Variants in POU6F2 observed in about 807,000 individuals in gnomAD.
The protein encoded by POU6F2 is POU class 6 homeobox 2.
POU6F2 carries 31 observed loss-of-function variants against 71.3 expected under a neutral mutation model. The observed-to-expected ratio is 0.43, with a 90% confidence interval of 0.33 to 0.59. The LOEUF is 0.59. Among genes scored for constraint, POU6F2 ranks in the 20% least tolerant of loss-of-function variants. POU6F2 has a pLI of 0.04. For synonymous variants in POU6F2, 347 were observed against 355.7 expected, an observed-to-expected ratio of 0.98 and a Z score of 0.27; for missense variants, 783 against 856.8, an observed-to-expected ratio of 0.91 and a Z score of 1.07.
chr7:39,343,571 C>T (rs1233440902), intron 5 of POU6F2, among the ~76,000 whole-genome samples: 2 of 152,022 alleles, frequency 1.3e-5, no homozygotes, highest in Non-Finnish European at 2.9e-5. Context: ...AAATTTCAGA[C>T]ATCTTATAAA....
chr7:39,169,226 T>A (rs1463156853), intron 2 of POU6F2, among the ~76,000 whole-genome samples: 1 of 152,206 alleles, frequency 6.6e-6, no homozygotes, highest in Non-Finnish European at 1.5e-5. Context: ...CACCTTTATT[T>A]TAATGCCTGC....
chr7:39,049,946 A>G (rs1242905091), intron 1 of POU6F2, among the ~76,000 whole-genome samples: 1 of 151,968 alleles, frequency 6.6e-6, no homozygotes, highest in Non-Finnish European at 1.5e-5. Flanking sequence ...CTTCTTTAAT[A>G]TGAGTAACAC....
rs760233765 is a variant in POU6F2, at chr7:39,339,920, T to G, written c.877T>G (p.Ser293Ala). 20 of 1,613,176 alleles carry G rather than the reference T, an allele frequency of 1.2e-5. No individual in the cohort carries two copies. The South Asian group carries it at 1.6e-4, about 13-fold the overall frequency. The change falls in exon 5 of 10, where the codon TCT becomes GCT. Residue 293 changes from serine to alanine, a missense_variant. Transcript: ENST00000518318. ...CCACTCCCAGAACCAGAACCAACCATCTCCAACCCAGCAGAGCTCCAGCCC... is the reference window on the plus strand; with the variant it reads ...CCACTCCCAGAACCAGAACCAACCAGCTCCAACCCAGCAGAGCTCCAGCCC... ...HSHSQNQNQP[S>A]PTQQSSSPPQ... is the part of the protein sequence containing the mutation.
chr7:39,413,397 AAT>A (rs1787596439), intron 6 of POU6F2, among the ~76,000 whole-genome samples: 1 of 152,168 alleles, frequency 6.6e-6, no homozygotes. Flanking sequence ...AAGGCAAAAG[AAT>A]ATATTGTTTC....
intron 5 of POU6F2, among the ~76,000 whole-genome samples, chr7:39,349,680 G>A (rs1303533510): frequency 6.6e-6 from 1 of 152,142 alleles, no homozygotes; most frequent in Non-Finnish European, 1.5e-5. Context: ...CCATGTCTGT[G>A]GGGCATTGTC....
At chr7:39,122,138 C>A (rs1792055894) in intron 2 of POU6F2, among the ~76,000 whole-genome samples, 1 of 152,166 alleles carries the variant, frequency 6.6e-6, no homozygotes, top group African/African-American at 2.4e-5. Flanking sequence ...GCAAATAAGC[C>A]ATTTTATGAA....
chr7:39,238,309 G>A (rs188420361), intron 4 of POU6F2, among the ~76,000 whole-genome samples: 1 of 152,222 alleles, frequency 6.6e-6, no homozygotes, highest in African/African-American at 2.4e-5. Context: ...CATGGTAGTT[G>A]CTTCGCCAGT....
At chr7:39,182,440 A>T (rs1793452644) in intron 2 of POU6F2, among the ~76,000 whole-genome samples, 1 of 152,114 alleles carries the variant, frequency 6.6e-6, no homozygotes, top group South Asian at 2.1e-4. Flanking sequence ...CTCAATTCTC[A>T]TTATTCCAAT....
chr7:39,324,121 G>A (rs927010078), intron 4 of POU6F2, among the ~76,000 whole-genome samples: 72 of 127,572 alleles, frequency 5.6e-4, no homozygotes, highest in Middle Eastern at 3.9e-3. Context: ...AAAAAAAAAA[G>A]AAAAAAAAAA....
intron 2 of POU6F2, among the ~76,000 whole-genome samples, chr7:39,193,387 A>C (rs1288182432): frequency 1.3e-5 from 2 of 152,166 alleles, no homozygotes; most frequent in Non-Finnish European, 2.9e-5. Context: ...GCCAGGTTCC[A>C]TTAGATGCAG....
intron 1 of POU6F2, among the ~76,000 whole-genome samples, chr7:39,081,522 A>T (rs1315652997): frequency 6.6e-6 from 1 of 152,200 alleles, no homozygotes; most frequent in Non-Finnish European, 1.5e-5. Flanking sequence ...TTGTTTTATT[A>T]TAGCCTTTTC....
chr7:39,171,924 ATTTTTGTGAATTGCT>A (rs1245741982), intron 2 of POU6F2, among the ~76,000 whole-genome samples: 1 of 152,230 alleles, frequency 6.6e-6, no homozygotes, highest in Non-Finnish European at 1.5e-5. Flanking sequence ...CCATCAGGCA[ATTTTTGTGAATTGCT>A]TTTTTGTTTA....
chr7:39,244,006 A>G (rs993479893), intron 4 of POU6F2, among the ~76,000 whole-genome samples: 1 of 152,198 alleles, frequency 6.6e-6, no homozygotes, highest in African/African-American at 2.4e-5. Flanking sequence ...CATATTTGAT[A>G]ACTTTCCATT....
intron 4 of POU6F2, among the ~76,000 whole-genome samples, chr7:39,275,897 T>C (rs1056366029): frequency 1.2e-4 from 18 of 151,554 alleles, no homozygotes; most frequent in African/African-American, 1.7e-4. Context: ...ATACAAAAAT[T>C]AATTCAAGAT....
At chr7:39,128,861 T>C (rs1178860261) in intron 2 of POU6F2, among the ~76,000 whole-genome samples, 1 of 152,222 alleles carries the variant, frequency 6.6e-6, no homozygotes, top group African/African-American at 2.4e-5. Context: ...AAAGTACATT[T>C]ACCTCTGAAA....
At chr7:39,223,564 C>T (rs568665262) in intron 4 of POU6F2, among the ~76,000 whole-genome samples, 1 of 152,252 alleles carries the variant, frequency 6.6e-6, no homozygotes, top group South Asian at 2.1e-4. Context: ...CAGTAAAATC[C>T]TGACTGTTGG....
At chr7:39,135,487 T>A (rs1792372210) in intron 2 of POU6F2, among the ~76,000 whole-genome samples, 1 of 151,938 alleles carries the variant, frequency 6.6e-6, no homozygotes, top group African/African-American at 2.4e-5. Context: ...TCATCCACAC[T>A]CATTCCAGGG....
intron 2 of POU6F2, among the ~76,000 whole-genome samples, chr7:39,125,777 T>G (rs1452990772): frequency 6.6e-6 from 1 of 152,222 alleles, no homozygotes; most frequent in East Asian, 1.9e-4. Flanking sequence ...ATTAATGCAC[T>G]GGGTCTTTCT....
chr7:39,322,017 C>T (rs1311122459), intron 4 of POU6F2, among the ~76,000 whole-genome samples: 2 of 151,978 alleles, frequency 1.3e-5, no homozygotes, highest in South Asian at 2.1e-4. Flanking sequence ...GCTATCTTGC[C>T]GTAAAACTCA....
Sources: allele counts gnomAD v4.1 joint callset (sites outside exome capture counted in the v4.1 genomes callset), GRCh38; gene constraint gnomAD v4.1.1; transcripts MANE v1.5; gene names NCBI Gene and HGNC (gene_info 2026-07-23, HGNC 2026-07-21).